BAHD1: variants seen among roughly 807,000 people sequenced by gnomAD.
The protein encoded by BAHD1 is bromo adjacent homology domain containing 1, also known as bromo adjacent homology domain-containing 1 protein.
Under a neutral mutation model 63.1 loss-of-function variants are expected in BAHD1, and 20 were observed. The observed-to-expected ratio is 0.32, with a 90% CI of 0.22 to 0.46. The LOEUF is 0.46. BAHD1 is among the 20% of genes least tolerant of loss of function. The pLI is 1.00. For missense variants in BAHD1, 939 were observed against 1,071.8 expected, an observed-to-expected ratio of 0.88 and a Z score of 1.73; for synonymous variants, 408 against 426.8, an observed-to-expected ratio of 0.96 and a Z score of 0.54.
At chr15:40,448,143 G>A (rs1893598911) in intron 1 of BAHD1, among the ~76,000 whole-genome samples, 2 of 152,090 alleles carry the variant, frequency 1.3e-5, no homozygotes, top group South Asian at 4.1e-4. Flanking sequence ...TCAGGAGGCT[G>A]AGGCAGGAGA....
intron 1 of BAHD1, among the ~76,000 whole-genome samples, chr15:40,456,239 A>C (rs938175816): frequency 2.6e-5 from 4 of 152,096 alleles, no homozygotes; most frequent in Non-Finnish European, 5.9e-5. Flanking sequence ...GGGCCTCTCA[A>C]AGTGTGGGGA....
At chr15:40,445,290 C>CT (rs1408024110) in intron 1 of BAHD1, among the ~76,000 whole-genome samples, 6 of 146,724 alleles carry the variant, frequency 4.1e-5, no homozygotes, top group African/African-American at 1.5e-4. Context: ...CCCTTTCACA[C>CT]CTTCTCTGGT....
intron 1 of BAHD1, among the ~76,000 whole-genome samples, chr15:40,446,202 C>G (rs1893535571): frequency 6.6e-6 from 1 of 152,222 alleles, no homozygotes; most frequent in South Asian, 2.1e-4. Flanking sequence ...CCCTGCCCAC[C>G]TCCTGGTACT....
chr15:40,457,305 T>C (rs949809637), intron 1 of BAHD1, among the ~76,000 whole-genome samples: 4 of 149,516 alleles, frequency 2.7e-5, no homozygotes, highest in Non-Finnish European at 4.4e-5. Context: ...CCCAGGAATA[T>C]GCTGATCCTG....
intron 1 of BAHD1, among the ~76,000 whole-genome samples, chr15:40,450,366 A>G (rs140143509): frequency 1.3e-5 from 2 of 152,272 alleles, no homozygotes; most frequent in Non-Finnish European, 2.9e-5. Context: ...CTGGCTGGCT[A>G]GTTTCTGTTC....
At chr15:40,461,793 C>T (rs926900672) in intron 2 of BAHD1, 119 bp from the exon 3 acceptor site, 35 of 1,281,362 alleles carry the variant, frequency 2.7e-5, no homozygotes, top group Non-Finnish European at 3.4e-5. Flanking sequence ...CTGATCCCAT[C>T]GGCCACCTCA....
At chr15:40,445,055 C>A (rs1262942057) in intron 1 of BAHD1, among the ~76,000 whole-genome samples, 1 of 152,080 alleles carries the variant, frequency 6.6e-6, no homozygotes, top group Non-Finnish European at 1.5e-5. Context: ...TTCTCAGCTC[C>A]TTTAGCTGTG....
At chr15:40,463,763 A>C in intron 3 of BAHD1, 98 bp from the exon 4 acceptor site, 1 of 1,379,924 alleles carries the variant, frequency 7.2e-7, no homozygotes, top group Non-Finnish European at 1.0e-6. Flanking sequence ...TGGTTTGACT[A>C]TCTTGAGGAA....
At chr15:40,439,267 G>A (rs1883882616), upstream of BAHD1, among the ~76,000 whole-genome samples, 1 of 152,222 alleles carries the variant, frequency 6.6e-6, no homozygotes, top group Non-Finnish European at 1.5e-5. Context: ...TTTCCCTGCT[G>A]AGGGGGCCCC....
chr15:40,448,906 G>A (rs1322386043), intron 1 of BAHD1, among the ~76,000 whole-genome samples: 2 of 149,386 alleles, frequency 1.3e-5, no homozygotes, highest in Non-Finnish European at 3.0e-5. Context: ...GTGTGATCTC[G>A]GCTCATCGCA....
At position 40,463,896 on chromosome 15, in the gene BAHD1, G is replaced by A. The variant is rs551902335; in HGVS notation, c.1851G>A (p.Gln617=). Residue 617 remains glutamine, a synonymous_variant, in exon 4 of 7, where the codon CAG becomes CAA. Coordinates refer to ENST00000416165, the MANE Select transcript of BAHD1 (RefSeq NM_014952.5). ...AGCCAGCCATCCGAAAGAGCTACCA[G>A]GCGGTAGAGCGGCATGGGGAGACAA... ...EPEPAIRKSY[Q]AVERHGETIR... 9 of 1,614,222 alleles carry A rather than the reference G, an allele frequency of 5.6e-6. No homozygotes were observed. The East Asian group carries it at 8.9e-5, about 16-fold the overall frequency.
At chr15:40,441,726 G>C (rs1362604960) in intron 1 of BAHD1, among the ~76,000 whole-genome samples, 2 of 149,268 alleles carry the variant, frequency 1.3e-5, no homozygotes, top group Non-Finnish European at 3.0e-5. Context: ...CCCCCGCCGC[G>C]CCCCCTCCCC....
upstream of BAHD1, among the ~76,000 whole-genome samples, chr15:40,439,352 T>C (rs1191766654): frequency 6.6e-6 from 1 of 152,204 alleles, no homozygotes; most frequent in Non-Finnish European, 1.5e-5. Context: ...GATGGGGAAC[T>C]GCTTCTGGGG....
chr15:40,452,830 T>C (rs1353665075), intron 1 of BAHD1, among the ~76,000 whole-genome samples: 1 of 149,504 alleles, frequency 6.7e-6, no homozygotes, highest in Non-Finnish European at 1.5e-5. Flanking sequence ...TGGAGATGAC[T>C]ACACCCGGCC....
intron 1 of BAHD1, among the ~76,000 whole-genome samples, chr15:40,446,376 G>A (rs1216121345): frequency 6.6e-6 from 1 of 152,222 alleles, no homozygotes; most frequent in East Asian, 1.9e-4. Context: ...TCCTGCCCCA[G>A]GTGACTTGGT....
intron 1 of BAHD1, among the ~76,000 whole-genome samples, chr15:40,446,959 C>T (rs1566959021): frequency 6.6e-6 from 1 of 152,202 alleles, no homozygotes. Flanking sequence ...AGAGGGGCAG[C>T]CCACACAGAC....
At chr15:40,453,188 T>G (rs1340433591) in intron 1 of BAHD1, among the ~76,000 whole-genome samples, 4 of 152,206 alleles carry the variant, frequency 2.6e-5, no homozygotes, top group Non-Finnish European at 5.9e-5. Flanking sequence ...ATCTGGAGTT[T>G]GGAAAAGCTA....
In BAHD1 at chr15:40,459,777, A is replaced by G. The variant is rs746510563; in HGVS notation, c.1313A>G (p.Tyr438Cys). The stretch of plus-strand genomic sequence containing the variant: ...CACCCTCCCTGGGGCTCCTCTCGCT[A>G]CTGCTCTAGCGAGGACACTGGAGTG... ...FQHPPWGSSR[Y>C]CSSEDTGVNG... Residue 438 changes from tyrosine (Y) to cysteine (C), a missense_variant, in exon 2 of 7, where the codon TAC (tyrosine) becomes TGC (cysteine). By Grantham distance (194) the Tyr-to-Cys change is radical. Coordinates refer to ENST00000416165, the MANE Select transcript of BAHD1 (RefSeq NM_014952.5). 2 of 1,613,850 alleles carry G rather than the reference A, an allele frequency of 1.2e-6. No individual in the cohort carries two copies. The highest frequency in any genetic ancestry group is 1.7e-6 in the Non-Finnish European group (2 of 1,179,990).
In BAHD1 at chr15:40,447,378, C is replaced by T. The variant is rs188276668; in HGVS notation, c.-15+6110C>T. ...GGTCAGGAGTTCAAGACCACCCTGG[C>T]CAACATGCTGAAACCCCGTCTCTAC... On this transcript the variant is annotated intron_variant, in intron 1 of 6. Transcript: ENST00000416165. Among the ~76,000 whole-genome samples, 1,021 of 152,058 alleles carry T rather than the reference C, an allele frequency of 6.7e-3. 10 individuals carry two copies. The highest frequency in any genetic ancestry group is 0.024 in the African/African-American group (979 of 41,436).
Sources: allele counts gnomAD v4.1 joint callset (sites outside exome capture counted in the v4.1 genomes callset), GRCh38; gene constraint gnomAD v4.1.1; transcripts MANE v1.5; gene names NCBI Gene and HGNC (gene_info 2026-07-23, HGNC 2026-07-21).